Variants in TIAM2 observed in about 807,000 individuals in gnomAD.
TIAM2 encodes the protein TIAM Rac1 associated GEF 2.
Under a neutral mutation model 152.9 loss-of-function variants are expected in TIAM2, and 80 were observed. That is an observed-to-expected ratio of 0.52 (90% CI 0.44 to 0.63). The LOEUF (loss-of-function observed/expected upper bound fraction) is 0.63. TIAM2 is among the 30% of genes least tolerant of loss of function. The pLI is 0.00. For synonymous variants in TIAM2, 804 were observed against 838.0 expected (o/e 0.96, Z 0.70); for missense variants, 1,965 against 2,120.1 (o/e 0.93, Z 1.44).
chr6:155,071,557 C>CGTGGT (rs1777837577), intron 1 of TIAM2, among the ~76,000 whole-genome samples: 1 of 152,212 alleles, frequency 6.6e-6, no homozygotes. Context: ...TCCTGCATAG[C>CGTGGT]ATGGTAAGTG....
chr6:155,079,178 C>T (rs545492548), intron 1 of TIAM2, among the ~76,000 whole-genome samples: 2 of 152,270 alleles, frequency 1.3e-5, no homozygotes, highest in East Asian at 3.9e-4. Flanking sequence ...TCTCCCACGT[C>T]AGCCTCCCGA....
intron 2 of TIAM2, among the ~76,000 whole-genome samples, chr6:155,106,146 A>G (rs573911025): frequency 6.6e-6 from 1 of 152,104 alleles, no homozygotes; most frequent in Admixed American, 6.6e-5. Flanking sequence ...CTGGGATTAC[A>G]GGCGTGTATC....
intron 15 of TIAM2, among the ~76,000 whole-genome samples, chr6:155,235,997 T>C (rs1562365553): frequency 6.6e-6 from 1 of 152,158 alleles, no homozygotes; most frequent in African/African-American, 2.4e-5. Context: ...AAGCTTAATA[T>C]AGATTCTATA....
Position 155,218,942 on chromosome 6 carries a change from C to T in TIAM2, c.3168+7635C>T, listed in dbSNP as rs1257822615. ...CAGCCGTGTTCTTGACCATCTCAGC[C>T]GCCCACCCGTGTTCTTGACCATCTC... On this transcript the variant is annotated intron_variant, in intron 15 of 26. Transcript: ENST00000682666. This position sits in a 1 kb window ranked among gnomAD's most constrained non-coding sequence, Gnocchi z 4.5. Among the ~76,000 whole-genome samples the T allele has an allele frequency of 6.9e-6, 1 of 144,238 alleles. No homozygotes were observed. Among genetic ancestry groups the T allele is most frequent in the Non-Finnish European group, 1.5e-5 (1 of 66,026 alleles). 94.6% of individuals were successfully genotyped at this position (144,238 alleles called of 152,430 possible).
intron 6 of TIAM2, among the ~76,000 whole-genome samples, chr6:155,146,820 TG>T (rs1156575165): frequency 4.0e-5 from 6 of 150,422 alleles, no homozygotes; most frequent in Non-Finnish European, 4.4e-5. Context: ...TGTTTCACTA[TG>T]TTGGCCAGGC....
chr6:155,228,907 C>T lies in TIAM2; in HGVS notation c.3169-11623C>T, dbSNP rs769085718. Among the ~76,000 whole-genome samples the T allele has an allele frequency of 5.9e-5, 9 of 152,204 alleles. No homozygotes were observed. The East Asian group carries it at 1.3e-3, about 23-fold the overall frequency. ...GGAAGCCCCACAGCAGTGACCATGG[C>T]GCTTCCTCTCTCCAGCATGCAGCTC... On this transcript the variant is annotated intron_variant, in intron 15 of 26. Transcript: ENST00000682666.
chr6:155,068,465 C>A (rs1476857068), intron 1 of TIAM2, among the ~76,000 whole-genome samples: 3 of 151,560 alleles, frequency 2.0e-5, no homozygotes, highest in Non-Finnish European at 2.9e-5. Flanking sequence ...GAGATAGAGT[C>A]TCCTCTGTTG....
At chr6:155,188,460 C>G (rs1781109248) in intron 14 of TIAM2, among the ~76,000 whole-genome samples, 1 of 152,208 alleles carries the variant, frequency 6.6e-6, no homozygotes, top group Admixed American at 6.5e-5. Context: ...AATTTCTGTT[C>G]TAGTTATTCA....
intron 9 of TIAM2, among the ~76,000 whole-genome samples, chr6:155,173,169 TTG>T (rs60356205): frequency 0.27 from 39,490 of 146,282 alleles, 6,049 homozygotes; most frequent in Admixed American, 0.36. Flanking sequence ...TTTGTGAGGG[TTG>T]TGTGTGTGTG....
chr6:155,205,189 A>G (rs1213777349), intron 14 of TIAM2, among the ~76,000 whole-genome samples: 3 of 49,308 alleles, frequency 6.1e-5, no homozygotes, highest in African/African-American at 6.0e-4. Flanking sequence ...TTCTAAAAAA[A>G]AAAAAAAAAA....
At chr6:155,103,745 A>AAG (rs1778601124) in intron 2 of TIAM2, among the ~76,000 whole-genome samples, 1 of 148,122 alleles carries the variant, frequency 6.8e-6, no homozygotes, top group African/African-American at 2.5e-5. Context: ...AAAAAAAAAA[A>AAG]GGAATTAGAG....
Position 155,176,972 on chromosome 6 carries a change from T to C in TIAM2, c.2518T>C (p.Cys840Arg), listed in dbSNP as rs1780775256. Reference protein sequence around the residue: ...HRVEDILTLACKMRQLEPSHY... With the variant: ...HRVEDILTLARKMRQLEPSHY... ...AGTAGAAGATATTTTGACTTTGGCATGCAAGGTAACGGATTTTGCTGCAGA... is the reference window on the plus strand; with the variant it reads ...AGTAGAAGATATTTTGACTTTGGCACGCAAGGTAACGGATTTTGCTGCAGA... The change falls in exon 10 of 27, where the codon TGC (cysteine) becomes CGC (arginine). Residue 840 changes from cysteine (C) to arginine (R), a missense_variant. Cys to Arg is a radical substitution (Grantham distance 180). This residue lies in a region of TIAM2 where 1,025 missense variants were observed against 1,119.4 expected (regional missense o/e 0.92). Transcript: ENST00000682666. 6.2e-7 allele frequency: 1 copy of C among 1,606,896 alleles called. No homozygotes were observed. The highest frequency in any genetic ancestry group is 8.5e-7 in the Non-Finnish European group (1 of 1,177,628).
At chr6:155,239,319 T>G (rs1782916727) in intron 15 of TIAM2, among the ~76,000 whole-genome samples, 1 of 152,188 alleles carries the variant, frequency 6.6e-6, no homozygotes, top group African/African-American at 2.4e-5. Context: ...AGTAAGAATT[T>G]CAGTGCAGCA....
At chr6:155,011,111 T>C (rs896081139) in intron 1 of TIAM2, among the ~76,000 whole-genome samples, 1 of 151,884 alleles carries the variant, frequency 6.6e-6, no homozygotes, top group African/African-American at 2.4e-5. Flanking sequence ...GTGAGTCCTC[T>C]GTAACATGGA....
chr6:155,209,588 C>T (rs1781674377), intron 14 of TIAM2, among the ~76,000 whole-genome samples: 1 of 152,110 alleles, frequency 6.6e-6, no homozygotes, highest in Admixed American at 6.6e-5. Context: ...CTCAAAATTT[C>T]CCCAGGGACC....
intron 14 of TIAM2, among the ~76,000 whole-genome samples, chr6:155,187,573 C>CCCTTTTTTTTTTTT (rs1189509294): frequency 2.0e-5 from 1 of 49,614 alleles, no homozygotes; most frequent in African/African-American, 7.9e-5. Context: ...ACCCCGCCCC[C>CCCTTTTTTTTTTTT]TTTTTTTTTT....
intron 2 of TIAM2, among the ~76,000 whole-genome samples, chr6:155,106,117 G>A (rs1186574691): frequency 1.3e-5 from 2 of 151,880 alleles, no homozygotes; most frequent in African/African-American, 2.4e-5. Context: ...CAATTCTCCT[G>A]TCTCAGCCTC....
intron 1 of TIAM2, among the ~76,000 whole-genome samples, chr6:155,051,485 C>T (rs1777315912): frequency 6.6e-6 from 1 of 152,048 alleles, no homozygotes; most frequent in Admixed American, 6.5e-5. Flanking sequence ...AGTAACTTGC[C>T]CAAGGGTAAA....
intron 2 of TIAM2, among the ~76,000 whole-genome samples, chr6:155,095,809 A>G (rs536114644): frequency 6.6e-6 from 1 of 152,354 alleles, no homozygotes; most frequent in Non-Finnish European, 1.5e-5. Context: ...GAGAGGCTGA[A>G]TATAACATTA....
Sources: allele counts gnomAD v4.1 joint callset (sites outside exome capture counted in the v4.1 genomes callset), GRCh38; gene constraint gnomAD v4.1.1; regional missense constraint gnomAD v4.1.1; non-coding constraint Gnocchi (gnomAD v3.1); transcripts MANE v1.5; gene names NCBI Gene and HGNC (gene_info 2026-07-23, HGNC 2026-07-21).